Variants in ROBO1 observed in about 807,000 individuals in gnomAD.
ROBO1 encodes the protein roundabout homolog 1.
ROBO1 carries 149 observed loss-of-function variants against 195.9 expected under a neutral mutation model. The ratio of observed to expected loss-of-function variants is 0.76; its 90% CI spans 0.67 to 0.87. The LOEUF is 0.87. ROBO1 is among the 40% of genes least tolerant of loss of function. ROBO1 has a pLI of 0.00. For missense variants in ROBO1, 1,933 were observed against 2,068.3 expected (o/e 0.93, Z 1.27); for synonymous variants, 816 against 733.2 (o/e 1.11, Z -1.82).
Position 78,789,448 on chromosome 3 carries a change from T to A in ROBO1, c.500-42548A>T, listed in dbSNP as rs79188506. The stretch of plus-strand genomic sequence containing the variant: ...TTTGGAATAAAGAATAGATTCACTC[T>A]CAGTAATGATTTGCGACTGACATTT... On this transcript the variant is annotated intron_variant, in intron 4 of 30. Transcript: ENST00000464233. Among the ~76,000 whole-genome samples, 56 of 152,318 alleles carry A rather than the reference T, an allele frequency of 3.7e-4. No homozygotes were observed. The East Asian group carries it at 0.01, about 28-fold the overall frequency.
intron 2 of ROBO1, among the ~76,000 whole-genome samples, chr3:79,366,314 G>C (rs1185328416): frequency 6.6e-6 from 1 of 152,088 alleles, no homozygotes; most frequent in African/African-American, 2.4e-5. Context: ...TGGGAGTATG[G>C]GAGGGCAATA....
At chr3:79,475,708 T>C (rs1938515727) in intron 2 of ROBO1, among the ~76,000 whole-genome samples, 1 of 152,116 alleles carries the variant, frequency 6.6e-6, no homozygotes, top group Non-Finnish European at 1.5e-5. Flanking sequence ...AAATGCCCTT[T>C]ATTGCTTGCA....
At chr3:79,059,222 A>C (rs534235691) in intron 3 of ROBO1, among the ~76,000 whole-genome samples, 4 of 152,222 alleles carry the variant, frequency 2.6e-5, no homozygotes, top group Non-Finnish European at 5.9e-5. Context: ...ATAATTTATC[A>C]TTGGACATAA....
intron 10 of ROBO1, among the ~76,000 whole-genome samples, chr3:78,674,172 T>C (rs1343966355): frequency 6.6e-6 from 1 of 152,194 alleles, no homozygotes; most frequent in Non-Finnish European, 1.5e-5. Context: ...AGAAGAAAGA[T>C]GTTCAGTTAA....
chr3:79,156,702 T>G (rs1296729247), intron 2 of ROBO1, among the ~76,000 whole-genome samples: 1 of 151,820 alleles, frequency 6.6e-6, no homozygotes, highest in Non-Finnish European at 1.5e-5. Flanking sequence ...ACAAAAAATC[T>G]AAATAAATAT....
At chr3:78,999,180 A>T (rs111703855) in intron 3 of ROBO1, among the ~76,000 whole-genome samples, 9 of 152,088 alleles carry the variant, frequency 5.9e-5, no homozygotes, top group African/African-American at 2.2e-4. Flanking sequence ...AAGAACTTAG[A>T]ACAGAACTAC....
At chr3:79,525,641 T>C (rs1370200567) in intron 2 of ROBO1, among the ~76,000 whole-genome samples, 1 of 149,632 alleles carries the variant, frequency 6.7e-6, no homozygotes, top group Admixed American at 6.7e-5. Context: ...AATCTCGCTC[T>C]GTCGCCCAGG....
chr3:79,427,052 T>C (rs921276715), intron 2 of ROBO1, among the ~76,000 whole-genome samples: 5 of 152,160 alleles, frequency 3.3e-5, no homozygotes, highest in Admixed American at 2.0e-4. Context: ...TAAATAGAAC[T>C]TTGTGTATTG....
At chr3:79,189,981 A>G (rs2081509194) in intron 2 of ROBO1, among the ~76,000 whole-genome samples, 1 of 151,704 alleles carries the variant, frequency 6.6e-6, no homozygotes, top group Non-Finnish European at 1.5e-5. Context: ...AGATTTCTAT[A>G]CTATACATCC....
intron 4 of ROBO1, among the ~76,000 whole-genome samples, chr3:78,794,459 T>G (rs1453568311): frequency 6.6e-6 from 1 of 152,164 alleles, no homozygotes; most frequent in Admixed American, 6.6e-5. Context: ...GCCCTTATTT[T>G]ACAAGCAAGA....
chr3:78,991,938 CA>C (rs531505488), intron 3 of ROBO1, among the ~76,000 whole-genome samples: 6 of 149,326 alleles, frequency 4.0e-5, no homozygotes, highest in African/African-American at 9.9e-5. Flanking sequence ...ATTCTATCTA[CA>C]AAAAAAAACC....
intron 1 of ROBO1, among the ~76,000 whole-genome samples, chr3:79,672,212 T>C (rs1160846422): frequency 6.6e-6 from 1 of 151,938 alleles, no homozygotes; most frequent in Non-Finnish European, 1.5e-5. Context: ...TAGGCCAAAT[T>C]TCTGAATGAA....
chr3:79,393,402 C>T (rs952599486), intron 2 of ROBO1, among the ~76,000 whole-genome samples: 3 of 152,164 alleles, frequency 2.0e-5, no homozygotes, highest in Non-Finnish European at 4.4e-5. Flanking sequence ...TGAGAAATAG[C>T]CAGCATTCAG....
At chr3:78,721,281 T>C (rs1209492930) in intron 5 of ROBO1, among the ~76,000 whole-genome samples, 1 of 152,166 alleles carries the variant, frequency 6.6e-6, no homozygotes, top group Non-Finnish European at 1.5e-5. Context: ...TTTGTAACCT[T>C]TCATGCGCTG....
chr3:78,891,794 T>C (rs1233297982), intron 4 of ROBO1, among the ~76,000 whole-genome samples: 12 of 152,188 alleles, frequency 7.9e-5, no homozygotes, highest in South Asian at 4.1e-4. Flanking sequence ...TGTAAACTCA[T>C]AGATGAATTT....
At chr3:79,090,663 C>T (rs868506025) in intron 3 of ROBO1, among the ~76,000 whole-genome samples, 6 of 152,074 alleles carry the variant, frequency 3.9e-5, no homozygotes, top group Middle Eastern at 3.2e-3. Flanking sequence ...TGGGCCTAAC[C>T]TCTCTATACC....
chr3:78,697,904 T>C (rs1032329839), intron 8 of ROBO1, among the ~76,000 whole-genome samples: 10 of 152,178 alleles, frequency 6.6e-5, no homozygotes, highest in Non-Finnish European at 2.9e-5. Context: ...ATCCTATTAG[T>C]AAATATCAGA....
At chr3:79,118,094 G>A (rs2080041956) in intron 3 of ROBO1, among the ~76,000 whole-genome samples, 1 of 152,162 alleles carries the variant, frequency 6.6e-6, no homozygotes, top group South Asian at 2.1e-4. Flanking sequence ...CATGATATCG[G>A]CATGTACTAC....
intron 2 of ROBO1, among the ~76,000 whole-genome samples, chr3:79,549,510 C>T (rs1315295879): frequency 6.6e-6 from 1 of 152,008 alleles, no homozygotes; most frequent in Non-Finnish European, 1.5e-5. Flanking sequence ...AATAATTGTG[C>T]CTGTATTAAA....
Sources: allele counts gnomAD v4.1 joint callset (sites outside exome capture counted in the v4.1 genomes callset), GRCh38; gene constraint gnomAD v4.1.1; transcripts MANE v1.5; gene names NCBI Gene and HGNC (gene_info 2026-07-23, HGNC 2026-07-21).